PPME1: variants seen among roughly 807,000 people sequenced by gnomAD.
PPME1 encodes the protein protein phosphatase methylesterase 1.
Under a neutral mutation model 56.9 loss-of-function variants are expected in PPME1, and 17 were observed. That is an observed-to-expected ratio of 0.30 (90% CI 0.20 to 0.45). The LOEUF (loss-of-function observed/expected upper bound fraction) is 0.45, where lower values mean the gene tolerates loss of function less well. Ranked by LOEUF, PPME1 falls within the 20% of genes least tolerant of loss-of-function variation. The pLI is 1.00. For synonymous variants in PPME1, 122 were observed against 156.2 expected, an observed-to-expected ratio of 0.78 and a Z score of 1.63; for missense variants, 357 against 483.2, an observed-to-expected ratio of 0.74 and a Z score of 2.45.
Position 74,171,496 on chromosome 11 carries a change from T to G in PPME1, c.75T>G (p.Ser25Arg). The G allele has an allele frequency of 6.2e-7, 1 of 1,613,238 alleles. No homozygotes were observed. Among genetic ancestry groups the G allele is most frequent in the Non-Finnish European group, 8.5e-7 (1 of 1,179,756 alleles). ...CACCTCTACCCGGCAGCGGGGGCAG[T>G]CAGAGCGGAGCCAAGATGCGAATGG... Reference protein sequence around the residue: ...SRPPLPGSGGSQSGAKMRMGP... With the variant: ...SRPPLPGSGGRQSGAKMRMGP... The change falls in exon 1 of 14, where the codon AGT (serine) becomes AGG (arginine). Residue 25 changes from serine (S) to arginine (R), a missense_variant. By Grantham distance (110) the Ser-to-Arg change is moderately radical (BLOSUM62 -1). Transcript: ENST00000328257.
chr11:74,188,474 T>TGC (rs1256051383), intron 1 of PPME1, among the ~76,000 whole-genome samples: 1 of 152,098 alleles, frequency 6.6e-6, no homozygotes, highest in Non-Finnish European at 1.5e-5. Context: ...GGTGAGCCAC[T>TGC]GCGCCCAGCC....
intron 1 of PPME1, among the ~76,000 whole-genome samples, chr11:74,173,013 G>A (rs575894207): frequency 2.6e-5 from 4 of 152,094 alleles, no homozygotes; most frequent in Admixed American, 6.6e-5. Flanking sequence ...GAAAAACCAG[G>A]GAAGGAAACT....
At chr11:74,192,692 C>A (rs561755971) in intron 1 of PPME1, among the ~76,000 whole-genome samples, 1 of 152,182 alleles carries the variant, frequency 6.6e-6, no homozygotes, top group South Asian at 2.1e-4. Context: ...TGAGTGAGTT[C>A]TTGCCCTGAG....
At chr11:74,232,106 C>T (rs768649570) in intron 7 of PPME1, among the ~76,000 whole-genome samples, 63 of 152,264 alleles carry the variant, frequency 4.1e-4, no homozygotes, top group Admixed American at 9.8e-4. Flanking sequence ...TTCTCCAAAC[C>T]ACCCAGATGA....
At chr11:74,209,700 T>TATAATTATATAGA (rs1301034241) in intron 3 of PPME1, among the ~76,000 whole-genome samples, 1 of 152,224 alleles carries the variant, frequency 6.6e-6, no homozygotes, top group Non-Finnish European at 1.5e-5. Flanking sequence ...GCTATTCTTA[T>TATAATTATATAGA]ATTACTCAAT....
chr11:74,205,671 T>A (rs1858308832), intron 3 of PPME1: 1 of 152,236 alleles, frequency 6.6e-6, no homozygotes. Flanking sequence ...TACACTTTTT[T>A]GTTTCCCAAA....
intron 3 of PPME1, among the ~76,000 whole-genome samples, chr11:74,212,039 A>G (rs992544625): frequency 2.0e-5 from 3 of 152,226 alleles, no homozygotes; most frequent in African/African-American, 7.2e-5. Context: ...AGAACCAAAA[A>G]TCAGGTGAAT....
At chr11:74,204,280 G>C in intron 2 of PPME1, 73 bp from the exon 3 acceptor site, 1 of 1,189,936 alleles carries the variant, frequency 8.4e-7, no homozygotes, top group East Asian at 2.5e-5. Flanking sequence ...GTTTCTAGCG[G>C]TATTACTATG....
At chr11:74,202,810 C>G (rs1020862150) in intron 1 of PPME1, among the ~76,000 whole-genome samples, 6 of 152,078 alleles carry the variant, frequency 3.9e-5, no homozygotes, top group Non-Finnish European at 7.4e-5. Flanking sequence ...AATTTTTCCT[C>G]TCATTTCCCA....
At chr11:74,220,828 T>G (rs1165800268) in intron 3 of PPME1, among the ~76,000 whole-genome samples, 2 of 152,184 alleles carry the variant, frequency 1.3e-5, no homozygotes, top group Admixed American at 6.6e-5. Flanking sequence ...AGTAGCAAAG[T>G]TGTACTATTT....
At chr11:74,183,014 CG>C (rs949889897) in intron 1 of PPME1, among the ~76,000 whole-genome samples, 2 of 147,152 alleles carry the variant, frequency 1.4e-5, no homozygotes, top group African/African-American at 5.0e-5. Flanking sequence ...AAAAAAAGTA[CG>C]GGCTGGTGCA....
At chr11:74,231,843 GT>G (rs1859076397) in intron 7 of PPME1, among the ~76,000 whole-genome samples, 1 of 152,196 alleles carries the variant, frequency 6.6e-6, no homozygotes, top group Admixed American at 6.5e-5. Flanking sequence ...TGGGTAAATA[GT>G]TTTTATAAAA....
At chr11:74,182,557 A>G (rs921734637) in intron 1 of PPME1, among the ~76,000 whole-genome samples, 1 of 151,954 alleles carries the variant, frequency 6.6e-6, no homozygotes, top group African/African-American at 2.4e-5. Flanking sequence ...ACAGGGTTTC[A>G]CCATGTTGGT....
chr11:74,198,994 G>A (rs17132818), intron 1 of PPME1: 15,821 of 152,170 alleles, frequency 0.1, 2,157 homozygotes, highest in African/African-American at 0.32. Flanking sequence ...AATTGTGTCA[G>A]CTTCTTTTAG....
At chr11:74,215,532 C>T (rs968616145) in intron 3 of PPME1, among the ~76,000 whole-genome samples, 1 of 151,646 alleles carries the variant, frequency 6.6e-6, no homozygotes, top group Non-Finnish European at 1.5e-5. Context: ...AACAGATACA[C>T]AAAAAATAAA....
At chr11:74,228,893 A>T (rs1858996498) in intron 5 of PPME1, among the ~76,000 whole-genome samples, 1 of 152,184 alleles carries the variant, frequency 6.6e-6, no homozygotes, top group Non-Finnish European at 1.5e-5. Context: ...TAGAAGCAGC[A>T]CTGGTGTCAA....
intron 3 of PPME1, among the ~76,000 whole-genome samples, chr11:74,216,845 A>G (rs1310078890): frequency 6.6e-6 from 1 of 152,214 alleles, no homozygotes; most frequent in Non-Finnish European, 1.5e-5. Flanking sequence ...ATGAGCAACT[A>G]TATGCCAATA....
chr11:74,187,888 A>G (rs1006100215), intron 1 of PPME1, among the ~76,000 whole-genome samples: 1 of 152,228 alleles, frequency 6.6e-6, no homozygotes, highest in African/African-American at 2.4e-5. Flanking sequence ...AATAAAGAGA[A>G]TATCATGGAT....
intron 1 of PPME1, among the ~76,000 whole-genome samples, chr11:74,191,042 A>G (rs1406341285): frequency 6.6e-6 from 1 of 152,230 alleles, no homozygotes; most frequent in African/African-American, 2.4e-5. Flanking sequence ...CTGGTATCAG[A>G]TACAGGAGCA....
Sources: allele counts gnomAD v4.1 joint callset (sites outside exome capture counted in the v4.1 genomes callset), GRCh38; gene constraint gnomAD v4.1.1; transcripts MANE v1.5; gene names NCBI Gene and HGNC (gene_info 2026-07-23, HGNC 2026-07-21).